Variants in LOC128125814 observed in about 807,000 individuals in gnomAD.
At chr12:57,518,258 A>G in the LOC128125814 span, among the ~76,000 whole-genome samples, 2,483 of 152,296 alleles carry the variant, frequency 0.016, 63 homozygotes, top group African/African-American at 0.057. Flanking sequence ...TGACATTTGT[A>G]GTCCTGGTTA....
At chr12:57,517,854 G>A in the LOC128125814 span, 1 of 425,050 alleles carries the variant, frequency 2.4e-6, no homozygotes, top group African/African-American at 2.1e-5. Flanking sequence ...TTGAGACCAA[G>A]TCTTGCTCTG....
chr12:57,517,850 C>G, the LOC128125814 span: 2 of 431,790 alleles, frequency 4.6e-6, no homozygotes, highest in East Asian at 6.8e-5. Flanking sequence ...TTTTTTGAGA[C>G]CAAGTCTTGC....
chr12:57,518,271 T>C, the LOC128125814 span, among the ~76,000 whole-genome samples: 1 of 152,202 alleles, frequency 6.6e-6, no homozygotes, highest in South Asian at 2.1e-4. Context: ...CCTGGTTACA[T>C]AATAGTAAAG....
chr12:57,519,619 T>C, the LOC128125814 span, among the ~76,000 whole-genome samples: 1 of 152,158 alleles, frequency 6.6e-6, no homozygotes, highest in Admixed American at 6.5e-5. Flanking sequence ...CCTTCCAGTG[T>C]GTGGGACTTG....
At chr12:57,519,694 A>G in the LOC128125814 span, among the ~76,000 whole-genome samples, 23 of 152,232 alleles carry the variant, frequency 1.5e-4, no homozygotes, top group African/African-American at 5.1e-4. Context: ...GGCCTGATGC[A>G]ATGGTTACAC....
the LOC128125814 span, chr12:57,519,180 C>T: frequency 3.7e-6 from 2 of 533,468 alleles, no homozygotes; most frequent in East Asian, 5.4e-5. Flanking sequence ...ACAGGTCATT[C>T]CTCTGCTCAA....
chr12:57,520,351 C>CT, the LOC128125814 span: 1 of 398,480 alleles, frequency 2.5e-6, no homozygotes, highest in Non-Finnish European at 4.4e-6. Flanking sequence ...GAGGCCGATC[C>CT]TAAAGAGCGG....
At chr12:57,518,992 A>G in the LOC128125814 span, among the ~76,000 whole-genome samples, 1 of 152,112 alleles carries the variant, frequency 6.6e-6, no homozygotes, top group Non-Finnish European at 1.5e-5. Flanking sequence ...AGTTTTTAAA[A>G]CCTTTGCTTA....
At chr12:57,520,368 C>A in the LOC128125814 span, 1 of 398,488 alleles carries the variant, frequency 2.5e-6, no homozygotes. Flanking sequence ...GCGGACGCCC[C>A]AACTTTGAGG....
chr12:57,519,386 T>G, the LOC128125814 span: 1 of 367,396 alleles, frequency 2.7e-6, no homozygotes, highest in African/African-American at 2.1e-5. Context: ...CTGAGATGAT[T>G]TTTTCCTCTT....
chr12:57,520,477 A>C, the LOC128125814 span: 1 of 398,590 alleles, frequency 2.5e-6, no homozygotes, highest in Non-Finnish European at 4.4e-6. Context: ...CTCATCTTTA[A>C]CATGATACGC....
chr12:57,518,692 C>CTCT, the LOC128125814 span, among the ~76,000 whole-genome samples: 1 of 152,182 alleles, frequency 6.6e-6, no homozygotes, highest in Non-Finnish European at 1.5e-5. Context: ...ACGGGTCTCA[C>CTCT]TCTTTTTGCC....
the LOC128125814 span, among the ~76,000 whole-genome samples, chr12:57,519,833 G>A: frequency 6.6e-6 from 1 of 152,186 alleles, no homozygotes; most frequent in African/African-American, 2.4e-5. Context: ...TTGTGCAGGA[G>A]GCCCAGAGAC....
the LOC128125814 span, among the ~76,000 whole-genome samples, chr12:57,519,895 A>G: frequency 2.6e-5 from 4 of 152,198 alleles, no homozygotes; most frequent in Non-Finnish European, 5.9e-5. Flanking sequence ...CACCCCTCCC[A>G]AAGGCTTGTG....
At chr12:57,519,903 G>C in the LOC128125814 span, among the ~76,000 whole-genome samples, 1 of 152,208 alleles carries the variant, frequency 6.6e-6, no homozygotes, top group South Asian at 2.1e-4. Flanking sequence ...CCAAAGGCTT[G>C]TGTCTCCTCA....
At chr12:57,518,817 C>A in the LOC128125814 span, among the ~76,000 whole-genome samples, 2 of 152,140 alleles carry the variant, frequency 1.3e-5, no homozygotes, top group South Asian at 4.1e-4. Flanking sequence ...CACTGCCATG[C>A]CCGGCTAATT....
the LOC128125814 span, among the ~76,000 whole-genome samples, chr12:57,520,040 G>A: frequency 7.2e-5 from 11 of 152,368 alleles, no homozygotes; most frequent in African/African-American, 2.6e-4. Flanking sequence ...GTGGCGAAGC[G>A]GCGGAAACGG....
the LOC128125814 span, chr12:57,520,455 C>G: frequency 2.5e-6 from 1 of 398,634 alleles, no homozygotes; most frequent in Non-Finnish European, 4.4e-6. Context: ...TTGGCTCTGT[C>G]GCTGCCACCC....
At chr12:57,519,245 G>A in the LOC128125814 span, 1 of 530,846 alleles carries the variant, frequency 1.9e-6, no homozygotes, top group South Asian at 1.4e-5. Flanking sequence ...GGTTTTGAGT[G>A]GAGGAATTAC....
Sources: gnomAD v4.1 joint callset for allele counts (sites outside exome capture counted in the v4.1 genomes callset) on GRCh38, gnomAD v4.1.1 for gene constraint, MANE v1.5 for transcripts.